CDKN2B-AS1: variants seen among roughly 807,000 people sequenced by gnomAD.
The protein encoded by CDKN2B-AS1 is CDKN2B antisense RNA 1 (non-protein coding).
intron 4 of CDKN2B-AS1, among the ~76,000 whole-genome samples, chr9:22,105,987 T>G (rs912342324): frequency 6.6e-6 from 1 of 152,256 alleles, no homozygotes; most frequent in Non-Finnish European, 1.5e-5. Flanking sequence ...CTTGGCTCAC[T>G]GCAACCTCTG....
intron 1 of CDKN2B-AS1, among the ~76,000 whole-genome samples, chr9:22,042,034 A>G (rs984729642): frequency 6.6e-6 from 1 of 152,064 alleles, no homozygotes; most frequent in African/African-American, 2.4e-5. Flanking sequence ...TATGTTTTAC[A>G]TGAGTTGACA....
In CDKN2B-AS1 at chr9:22,110,583, A is replaced by G. The variant is rs184081374; in HGVS notation, n.439-16520A>G. ...TACACACTGTCACTAAACATGTAGG[A>G]TCTTGTTTAGTTTTCTCAAAATGTT... On this transcript the variant is annotated intron_variant and non_coding_transcript_variant, in intron 4 of 4. Coordinates refer to ENST00000650946, the Ensembl canonical transcript of CDKN2B-AS1. Among the ~76,000 whole-genome samples, 6 of 152,238 alleles carry G rather than the reference A, an allele frequency of 3.9e-5. No homozygotes were observed. In the East Asian group the frequency reaches 1.2e-3, roughly 29 times the overall value.
At chr9:21,998,019 T>A (rs1479358736) in intron 1 of CDKN2B-AS1, among the ~76,000 whole-genome samples, 1 of 152,206 alleles carries the variant, frequency 6.6e-6, no homozygotes, top group Non-Finnish European at 1.5e-5. Flanking sequence ...TTCAGAGGAA[T>A]GCCATCTGAA....
intron 4 of CDKN2B-AS1, among the ~76,000 whole-genome samples, chr9:22,099,879 A>G (rs1367768633): frequency 6.6e-6 from 1 of 152,208 alleles, no homozygotes; most frequent in Non-Finnish European, 1.5e-5. Context: ...ATGATACACA[A>G]GAAACAAATA....
At chr9:22,009,271 G>A in intron 1 of CDKN2B-AS1, 1 of 514,284 alleles carries the variant, frequency 1.9e-6, no homozygotes. Flanking sequence ...GACGCGTCGC[G>A]GAGTCCTCAC....
chr9:22,021,214 G>T (rs1822004952), intron 1 of CDKN2B-AS1, among the ~76,000 whole-genome samples: 1 of 151,906 alleles, frequency 6.6e-6, no homozygotes, highest in African/African-American at 2.4e-5. Context: ...TGGGTTCTCT[G>T]TTCTGTTCCA....
chr9:22,101,639 G>A (rs72652472), intron 4 of CDKN2B-AS1, among the ~76,000 whole-genome samples: 4 of 148,758 alleles, frequency 2.7e-5, no homozygotes, highest in East Asian at 2.0e-4. Flanking sequence ...ATAATCACAC[G>A]TTTCATTGCA....
chr9:22,055,216 A>G (rs991214918), intron 3 of CDKN2B-AS1, among the ~76,000 whole-genome samples: 1 of 152,208 alleles, frequency 6.6e-6, no homozygotes, highest in Non-Finnish European at 1.5e-5. Context: ...ACATTGTGAA[A>G]TGGTTAAATC....
chr9:22,028,347 C>A (rs1410838942), intron 1 of CDKN2B-AS1, among the ~76,000 whole-genome samples: 6 of 152,042 alleles, frequency 3.9e-5, no homozygotes, highest in Admixed American at 2.6e-4. Context: ...ATAAAAGTTT[C>A]AAAATACAGA....
chr9:22,005,437 C>T lies in CDKN2B-AS1; in HGVS notation n.29+10276C>T, dbSNP rs1299408780. On this transcript the variant is annotated intron_variant and non_coding_transcript_variant, in intron 1 of 4. Coordinates refer to ENST00000650946, the Ensembl canonical transcript of CDKN2B-AS1. The surrounding 1 kb of genome is among the most constrained non-coding windows in gnomAD (Gnocchi z 4.9). Reference sequence around the variant, plus strand: ...TTGCCATGCGCTCAAACTAAAGCGCCGCCGGGGACTTACTGAAGCCCACCT... The same window carrying T: ...TTGCCATGCGCTCAAACTAAAGCGCTGCCGGGGACTTACTGAAGCCCACCT... 1.2e-5 allele frequency: 3 copies of T among 246,914 alleles called. No homozygotes were observed. Among genetic ancestry groups the T allele is most frequent in the Non-Finnish European group, 2.4e-5 (3 of 126,168 alleles). The allele number at this position is 246,914 out of a possible 1,614,324, so 15.3% of individuals were successfully genotyped here.
intron 4 of CDKN2B-AS1, among the ~76,000 whole-genome samples, chr9:22,088,450 CA>C (rs1824941077): frequency 2.0e-5 from 3 of 148,540 alleles, no homozygotes; most frequent in African/African-American, 7.9e-5. Flanking sequence ...AGCACACACA[CA>C]CACACACACA....
intron 1 of CDKN2B-AS1, among the ~76,000 whole-genome samples, chr9:22,023,007 A>T: frequency 6.6e-6 from 1 of 152,120 alleles, no homozygotes; most frequent in East Asian, 1.9e-4. Context: ...TGTTAGTCTG[A>T]TGGGGTTCCC....
chr9:22,004,575 G>C (rs1163999949), intron 1 of CDKN2B-AS1: 1 of 232,330 alleles, frequency 4.3e-6, no homozygotes, highest in Non-Finnish European at 8.5e-6. Flanking sequence ...TTCAATCTCT[G>C]TTAATTCTTT....
At chr9:22,016,550 C>T (rs1293137464) in intron 1 of CDKN2B-AS1, among the ~76,000 whole-genome samples, 1 of 152,166 alleles carries the variant, frequency 6.6e-6, no homozygotes, top group Non-Finnish European at 1.5e-5. Context: ...TCAAACTATA[C>T]TACAAGGCTA....
intron 4 of CDKN2B-AS1, among the ~76,000 whole-genome samples, chr9:22,108,944 A>AT (rs1825733018): frequency 6.6e-6 from 1 of 152,124 alleles, no homozygotes; most frequent in African/African-American, 2.4e-5. Context: ...ACAAAACAAA[A>AT]TAAAAAAAAC....
At position 22,009,133 on chromosome 9, in the gene CDKN2B-AS1, G is replaced by T; in HGVS notation, n.29+13972G>T. ...GCTTGGGGCCCCGTGCAGTGGCCGA[G>T]CGGCCGGTCGTTAGCTCCGGGCTTT... On this transcript the variant is annotated intron_variant and non_coding_transcript_variant, in intron 1 of 4. Coordinates refer to ENST00000650946, the Ensembl canonical transcript of CDKN2B-AS1. 3.6e-6 allele frequency: 3 copies of T among 822,522 alleles called. No individual in the cohort carries two copies. In the Admixed American group the frequency reaches 7.4e-5, roughly 20 times the overall value. The allele number at this position is 822,522 out of a possible 1,614,324, so 51.0% of individuals were successfully genotyped here.
At position 22,039,414 on chromosome 9, in the gene CDKN2B-AS1, T is replaced by C. The variant is rs1336659866; in HGVS notation, n.30-7337T>C. Among the ~76,000 whole-genome samples the C allele has an allele frequency of 6.6e-6, 1 of 152,030 alleles. No homozygotes were observed. The highest frequency in any genetic ancestry group is 1.5e-5 in the Non-Finnish European group (1 of 67,970). On this transcript the variant is annotated intron_variant and non_coding_transcript_variant, in intron 1 of 4. Transcript: ENST00000650946. The surrounding 1 kb of genome is among the most constrained non-coding windows in gnomAD (Gnocchi z 4.4). ...TGGCAACAAGAGTCAATTCTCCATA[T>C]ATAAATACTCGGCCCCTGTTTTAGC...
At chr9:22,061,163 G>C (rs1823804540) in intron 4 of CDKN2B-AS1, among the ~76,000 whole-genome samples, 1 of 152,168 alleles carries the variant, frequency 6.6e-6, no homozygotes, top group African/African-American at 2.4e-5. Context: ...CATTGGGGGA[G>C]AACTGAAATA....
intron 1 of CDKN2B-AS1, among the ~76,000 whole-genome samples, chr9:22,045,038 TTGTGTGTGTG>T (rs3028395): frequency 3.5e-5 from 5 of 141,854 alleles, no homozygotes; most frequent in South Asian, 2.3e-4. Flanking sequence ...TATTATTTAT[TTGTGTGTGTG>T]TGTGTGTGTG....
Sources: gnomAD v4.1 joint callset for allele counts (sites outside exome capture counted in the v4.1 genomes callset) on GRCh38, gnomAD v4.1.1 for gene constraint, Gnocchi (gnomAD v3.1) non-coding constraint, MANE v1.5 for transcripts, NCBI Gene and HGNC (gene_info 2026-07-23, HGNC 2026-07-21) for gene names.